Variants in SCN2A observed in about 807,000 individuals in gnomAD.
The protein encoded by SCN2A is sodium channel protein type 2 subunit alpha.
A neutral mutation model predicts 188.7 loss-of-function variants in SCN2A; 20 were observed. The ratio of observed to expected loss-of-function variants is 0.11; its 90% CI spans 0.07 to 0.15. The LOEUF is 0.15. Among genes scored for constraint, SCN2A ranks in the 10% least tolerant of loss-of-function variants. SCN2A has a pLI of 1.00. For missense variants in SCN2A, 1,278 were observed against 2,445.0 expected (o/e 0.52, Z 10.07); for synonymous variants, 804 against 833.1 (o/e 0.97, Z 0.60).
chr2:165,321,885 G>A (rs1698094913), intron 11 of SCN2A, among the ~76,000 whole-genome samples: 1 of 152,204 alleles, frequency 6.6e-6, no homozygotes, highest in Admixed American at 6.5e-5. Flanking sequence ...AATGGTTTTA[G>A]TTAGTTTTGA....
chr2:165,344,505 AT>A, intron 15 of SCN2A, 49 bp from the exon 16 acceptor site: 1 of 1,229,714 alleles, frequency 8.1e-7, no homozygotes, highest in Non-Finnish European at 1.1e-6. Context: ...AAAATTGCAG[AT>A]TTTTTTAGAA....
intron 20 of SCN2A, chr2:165,372,803 A>G (rs1159299391): frequency 5.3e-6 from 1 of 189,400 alleles, no homozygotes; most frequent in Admixed American, 5.4e-5. Context: ...TTACTTGTGT[A>G]TCAAATGTTA....
chr2:165,262,402 A>G (rs1044819178), intron 1 of SCN2A, among the ~76,000 whole-genome samples: 2 of 152,012 alleles, frequency 1.3e-5, no homozygotes, highest in Admixed American at 6.6e-5. Flanking sequence ...CTCAAAGTCC[A>G]TTGTATCATT....
At chr2:165,372,314 T>C (rs949363876) in intron 20 of SCN2A, 1 of 152,170 alleles carries the variant, frequency 6.6e-6, no homozygotes. Context: ...GAATAAGTTG[T>C]TTTTTGTAAC....
rs189760571 is a variant in SCN2A at position 165,373,718 on chromosome 2, G to T, written c.3972+371G>T. On this transcript the variant is annotated intron_variant, in intron 21 of 26. Coordinates refer to ENST00000375437, the MANE Select transcript of SCN2A (RefSeq NM_001040142.2). ...TTGCTCATCATTTCTTCACTACTCCGCTGTGATACACTTTGAGCCTTTTGA... is the reference window on the plus strand; with the variant it reads ...TTGCTCATCATTTCTTCACTACTCCTCTGTGATACACTTTGAGCCTTTTGA... Among the ~76,000 whole-genome samples, 4 of 152,070 alleles carry T rather than the reference G, an allele frequency of 2.6e-5. No individual in the cohort carries two copies. In the East Asian group the frequency reaches 7.7e-4, roughly 29 times the overall value.
intron 1 of SCN2A, among the ~76,000 whole-genome samples, chr2:165,262,045 G>A (rs375996473): frequency 6.6e-6 from 1 of 152,128 alleles, no homozygotes; most frequent in African/African-American, 2.4e-5. Flanking sequence ...ACACATTATG[G>A]TTGCAATACG....
At chr2:165,367,802 G>C (rs997756952) in intron 19 of SCN2A, among the ~76,000 whole-genome samples, 3 of 152,214 alleles carry the variant, frequency 2.0e-5, no homozygotes, top group Admixed American at 2.0e-4. Flanking sequence ...CTCACAGGAG[G>C]GGGAGCGCAG....
In SCN2A at chr2:165,323,304, G is replaced by A. The variant is rs755003900; in HGVS notation, c.1820G>A (p.Arg607Gln). 1.7e-5 allele frequency: 27 copies of A among 1,614,142 alleles called. No individual in the cohort carries two copies. Among genetic ancestry groups the A allele is most frequent in the East Asian group, 2.2e-5 (1 of 44,872 alleles). ...AGCACCTTTGAGGACAATGACAGCC[G>A]AAGAGACTCTCTGTTCGTGCCGCAC... ...EHSTFEDNDS[R>Q]RDSLFVPHRH... Residue 607 changes from arginine to glutamine, a missense_variant, in exon 12 of 27, where the codon CGA becomes CAA. Physicochemically the swap from Arg to Gln is conservative, Grantham distance 43. Around this residue, in one of 17 missense-constraint regions of SCN2A, gnomAD observed 315 missense variants for 386.6 expected, o/e 0.81. Coordinates refer to ENST00000375437, the MANE Select transcript of SCN2A (RefSeq NM_001040142.2).
At chr2:165,261,083 G>A (rs1197575666) in intron 1 of SCN2A, among the ~76,000 whole-genome samples, 1 of 151,700 alleles carries the variant, frequency 6.6e-6, no homozygotes, top group Admixed American at 6.6e-5. Flanking sequence ...CAATGTAAAT[G>A]CTATGTAAAC....
intron 1 of SCN2A, among the ~76,000 whole-genome samples, chr2:165,281,680 T>G (rs1695589595): frequency 6.6e-6 from 1 of 152,098 alleles, no homozygotes; most frequent in African/African-American, 2.4e-5. Context: ...TTTTTGCGTT[T>G]CAAAGGAATC....
chr2:165,348,308 GAGATTGTGCCAT>G (rs1699708589), intron 16 of SCN2A, among the ~76,000 whole-genome samples: 1 of 147,178 alleles, frequency 6.8e-6, no homozygotes, highest in Middle Eastern at 3.2e-3. Context: ...GCAGTGACCC[GAGATTGTGCCAT>G]TGCATTCCAG....
intron 1 of SCN2A, chr2:165,270,577 T>A (rs1350944565): frequency 1.3e-5 from 2 of 152,114 alleles, no homozygotes; most frequent in Admixed American, 6.6e-5. Flanking sequence ...TCGCCCTTTC[T>A]GTATAAAATC....
chr2:165,330,028 T>C (rs1427613314), intron 13 of SCN2A, among the ~76,000 whole-genome samples: 1 of 152,180 alleles, frequency 6.6e-6, no homozygotes, highest in East Asian at 1.9e-4. Context: ...AATTAATTAG[T>C]GGCAAATGTT....
chr2:165,303,269 A>ATTTTTTTTT (rs1162474748), intron 3 of SCN2A, among the ~76,000 whole-genome samples: 1 of 79,764 alleles, frequency 1.3e-5, no homozygotes, highest in Non-Finnish European at 2.6e-5. Flanking sequence ...TTGTTATTTG[A>ATTTTTTTTT]GTTTTTTTTT....
Position 165,256,000 on chromosome 2 carries a change from C to CTTTTTTTTTTTT in SCN2A, c.-52+16369_-52+16380dup, listed in dbSNP as rs765804959. On this transcript the variant is annotated intron_variant, in intron 1 of 26. Coordinates refer to ENST00000375437, the MANE Select transcript of SCN2A (RefSeq NM_001040142.2). Reference sequence around the variant, plus strand: ...AAATGTTTTCATTTGGGGCTCTTTTCTTTTTTTTTTTTTTTTTTTTGGTGA... The same window carrying CTTTTTTTTTTTT: ...AAATGTTTTCATTTGGGGCTCTTTTCTTTTTTTTTTTTTTTTTTTTTTTTTTTTTTTTGGTGA... 4.6e-3 allele frequency among the ~76,000 whole-genome samples: 404 copies of CTTTTTTTTTTTT among 88,350 alleles called. 11 individuals carry two copies. The highest frequency in any genetic ancestry group is 9.0e-3 in the African/African-American group (185 of 20,536). The allele number at this position is 88,350 out of a possible 152,430, so 58.0% of individuals were successfully genotyped here. A position where few individuals can be genotyped will look rare whatever the true frequency, so the allele number is the denominator to read the frequency against.
chr2:165,341,178 C>A (rs1292556007), intron 14 of SCN2A, among the ~76,000 whole-genome samples: 1 of 152,178 alleles, frequency 6.6e-6, no homozygotes, highest in African/African-American at 2.4e-5. Context: ...ACTGCAAGCT[C>A]CGACTCCCGG....
chr2:165,291,506 T>TC (rs1559340436), intron 1 of SCN2A, among the ~76,000 whole-genome samples: 54 of 139,020 alleles, frequency 3.9e-4, no homozygotes, highest in Admixed American at 5.2e-4. Flanking sequence ...TTTCTTTCTT[T>TC]CTTTCTTCCT....
intron 7 of SCN2A, among the ~76,000 whole-genome samples, chr2:165,311,346 C>G (rs1697415988): frequency 6.6e-6 from 1 of 151,982 alleles, no homozygotes; most frequent in African/African-American, 2.4e-5. Context: ...ATCTTTGCAA[C>G]TTACTGAAGT....
rs1160769406 is a variant in SCN2A, at chr2:165,296,805, T to G, written c.268-212T>G. ...ATTCCTATGGCATTGATCACAAATT[T>G]TCTTAATAATCCTCATGTCATTTAT... On this transcript the variant is annotated intron_variant, in intron 2 of 26. Coordinates refer to ENST00000375437, the MANE Select transcript of SCN2A (RefSeq NM_001040142.2). The G allele has an allele frequency of 2.0e-5, 7 of 357,244 alleles. No homozygotes were observed. The Admixed American group carries it at 2.2e-4, about 11-fold the overall frequency. 22.1% of individuals were successfully genotyped at this position (357,244 alleles called of 1,614,324 possible).
Sources: allele counts gnomAD v4.1 joint callset (sites outside exome capture counted in the v4.1 genomes callset), GRCh38; gene constraint gnomAD v4.1.1; regional missense constraint gnomAD v4.1.1; transcripts MANE v1.5; gene names NCBI Gene and HGNC (gene_info 2026-07-23, HGNC 2026-07-21).